The following STAT4 variants were observed in gnomAD, a reference collection of about 807,000 sequenced individuals.
The protein encoded by STAT4 is signal transducer and activator of transcription 4.
A neutral mutation model predicts 110.5 loss-of-function variants in STAT4; 42 were observed. The observed-to-expected ratio is 0.38, with a 90% confidence interval of 0.30 to 0.49. STAT4 has a LOEUF of 0.49. STAT4 is among the 20% of genes least tolerant of loss of function. STAT4 has a pLI of 0.95. For synonymous variants in STAT4, 284 were observed against 302.2 expected (o/e 0.94, Z 0.63); for missense variants, 632 against 887.9 (o/e 0.71, Z 3.66).
At chr2:191,121,343 C>A (rs1467954289) in intron 3 of STAT4, among the ~76,000 whole-genome samples, 1 of 152,162 alleles carries the variant, frequency 6.6e-6, no homozygotes, top group Non-Finnish European at 1.5e-5. Context: ...ACTAGTTCAA[C>A]CATTGTGGAA....
rs1699506800 is a variant in STAT4, at chr2:191,148,282, T to C, written c.-1-78A>G. 5.3e-6 allele frequency: 8 copies of C among 1,511,722 alleles called. No individual in the cohort carries two copies. In the East Asian group the frequency reaches 1.8e-4, roughly 35 times the overall value. 93.6% of individuals were successfully genotyped at this position (1,511,722 alleles called of 1,614,324 possible). ...TACATATTTTCTTCTTTCCTTAGAA[T>C]TAGTCAATGTTATGACTGAATTCCA... is the stretch of plus-strand genomic sequence containing the variant. On this transcript the variant is annotated intron_variant, in intron 1 of 23. Coordinates refer to ENST00000392320, the MANE Select transcript of STAT4 (RefSeq NM_003151.4).
intron 3 of STAT4, among the ~76,000 whole-genome samples, chr2:191,139,745 A>G (rs1019286734): frequency 4.6e-5 from 7 of 152,210 alleles, no homozygotes; most frequent in Non-Finnish European, 8.8e-5. Flanking sequence ...TAGATTTAGA[A>G]AAAACAATCC....
At chr2:191,056,663 C>G (rs944321680) in intron 13 of STAT4, among the ~76,000 whole-genome samples, 2 of 151,892 alleles carry the variant, frequency 1.3e-5, no homozygotes, top group African/African-American at 4.8e-5. Context: ...GTGTAATGAT[C>G]AAATTTGGGT....
In STAT4 at chr2:191,030,920, T is replaced by C; in HGVS notation, c.2220+52A>G. On this transcript the variant is annotated intron_variant, in intron 23 of 23. Coordinates refer to ENST00000392320, the MANE Select transcript of STAT4 (RefSeq NM_003151.4). The surrounding 1 kb of genome is among the most constrained non-coding windows in gnomAD (Gnocchi z 4.4). ...AGCCCCTTTGATTCACACACCACCTTTGCATCGTTGGAAACACCTTTGACC... is the reference window on the plus strand; with the variant it reads ...AGCCCCTTTGATTCACACACCACCTCTGCATCGTTGGAAACACCTTTGACC... 6.5e-7 allele frequency: 1 copy of C among 1,542,996 alleles called. No homozygotes were observed. The highest frequency in any genetic ancestry group is 1.1e-5 in the South Asian group (1 of 89,324).
intron 3 of STAT4, among the ~76,000 whole-genome samples, chr2:191,122,265 A>T (rs567530825): frequency 2.0e-5 from 3 of 152,124 alleles, no homozygotes; most frequent in Admixed American, 2.0e-4. Flanking sequence ...ATTAATCATC[A>T]GGATAATGGA....
Position 191,062,751 on chromosome 2 carries a change from A to G in STAT4, c.941+11T>C, listed in dbSNP as rs769630153. On this transcript the variant is annotated intron_variant, in intron 9 of 23. Coordinates refer to ENST00000392320, the MANE Select transcript of STAT4 (RefSeq NM_003151.4). This position sits in a 1 kb window ranked among gnomAD's most constrained non-coding sequence, Gnocchi z 4.9. Reference sequence around the variant, plus strand: ...CAGAATGGAGGATGCCATTGATAGCACTTCACTTACTTCTTGAAAAGGTTG... The same window carrying G: ...CAGAATGGAGGATGCCATTGATAGCGCTTCACTTACTTCTTGAAAAGGTTG... 6.8e-6 allele frequency: 11 copies of G among 1,613,182 alleles called. No individual in the cohort carries two copies. Among genetic ancestry groups the G allele is most frequent in the East Asian group, 2.2e-5 (1 of 44,758 alleles).
In STAT4 at chr2:191,042,695, G is replaced by T. The variant is rs1240987315; in HGVS notation, c.1252-1547C>A. Among the ~76,000 whole-genome samples, 1 of 151,932 alleles carries T rather than the reference G, an allele frequency of 6.6e-6. No homozygotes were observed. The highest frequency in any genetic ancestry group is 2.4e-5 in the African/African-American group (1 of 41,386). ...CTCCAGGAAAAATGTATGTATAGGT[G>T]AAAAATAGGTTAAATAAGATAGGCA... is the stretch of plus-strand genomic sequence containing the variant. On this transcript the variant is annotated intron_variant, in intron 14 of 23. Transcript: ENST00000392320. This position sits in a 1 kb window ranked among gnomAD's most constrained non-coding sequence, Gnocchi z 4.2.
rs1695895852 is a variant in STAT4, at chr2:191,031,582, A to G, written c.2045-66T>C. On this transcript the variant is annotated intron_variant, in intron 21 of 23. Coordinates refer to ENST00000392320, the MANE Select transcript of STAT4 (RefSeq NM_003151.4). The surrounding 1 kb of genome is among the most constrained non-coding windows in gnomAD (Gnocchi z 4.8). The stretch of plus-strand genomic sequence containing the variant: ...AATATTATCAATAAAACTGGGGAAA[A>G]AAGAGTCTAGAAAAATATTAACAAT... 1.5e-6 allele frequency: 2 copies of G among 1,328,362 alleles called. No homozygotes were observed. Among genetic ancestry groups the G allele is most frequent in the Admixed American group, 3.8e-5 (2 of 52,456 alleles). 82.3% of individuals were successfully genotyped at this position (1,328,362 alleles called of 1,614,324 possible).
chr2:191,067,488 C>G (rs969037649), intron 6 of STAT4, among the ~76,000 whole-genome samples: 1 of 152,166 alleles, frequency 6.6e-6, no homozygotes, highest in African/African-American at 2.4e-5. Flanking sequence ...GCCCAAACTT[C>G]GTCCCAAACC....
In STAT4 at chr2:191,039,208, G is replaced by C; in HGVS notation, c.1425C>G (p.Asn475Lys). ...TAGAAATAGAGTCTACCTGGGAATC[G>C]TTGGTTGACACGTTGTACCAAATGA... ...ASIIWYNVST[N>K]DSQNLVFFNN... The change falls in exon 16 of 24, where the codon AAC becomes AAG. Residue 475 changes from asparagine (N) to lysine (K), a missense_variant. This residue lies in a region of STAT4 where 488 missense variants were observed against 632.8 expected (regional missense o/e 0.77). Coordinates refer to ENST00000392320, the MANE Select transcript of STAT4 (RefSeq NM_003151.4). The surrounding 1 kb of genome is among the most constrained non-coding windows in gnomAD (Gnocchi z 4.7). The C allele has an allele frequency of 6.2e-7, 1 of 1,614,062 alleles. No individual in the cohort carries two copies. Among genetic ancestry groups the C allele is most frequent in the Non-Finnish European group, 8.5e-7 (1 of 1,179,900 alleles).
Position 191,091,096 on chromosome 2 carries a change from T to A in STAT4, c.274-14771A>T, listed in dbSNP as rs944164457. 6.6e-6 allele frequency among the ~76,000 whole-genome samples: 1 copy of A among 152,142 alleles called. No individual in the cohort carries two copies. The highest frequency in any genetic ancestry group is 6.5e-5 in the Admixed American group (1 of 15,276). On this transcript the variant is annotated intron_variant, in intron 3 of 23. Coordinates refer to ENST00000392320, the MANE Select transcript of STAT4 (RefSeq NM_003151.4). The surrounding 1 kb of genome is among the most constrained non-coding windows in gnomAD (Gnocchi z 5.4). ...GATAAGAACAGATATCTCGTCATCA[T>A]TAGAAAGTGTTTAGACAAGATTATA...
chr2:191,078,033 T>C (rs1187400278), intron 3 of STAT4, among the ~76,000 whole-genome samples: 1 of 152,076 alleles, frequency 6.6e-6, no homozygotes, highest in Non-Finnish European at 1.5e-5. Context: ...ATGTAACCTA[T>C]ATTCAACTCT....
At chr2:191,120,754 C>T (rs1219491576) in intron 3 of STAT4, among the ~76,000 whole-genome samples, 1 of 152,162 alleles carries the variant, frequency 6.6e-6, no homozygotes, top group African/African-American at 2.4e-5. Context: ...CCCTTCCTTA[C>T]ACCTTATATA....
At position 191,090,582 on chromosome 2, in the gene STAT4, CAG is replaced by C. The variant is rs1196959580; in HGVS notation, c.274-14259_274-14258del. Among the ~76,000 whole-genome samples the C allele has an allele frequency of 6.6e-5, 10 of 152,046 alleles. No homozygotes were observed. Among genetic ancestry groups the C allele is most frequent in the Non-Finnish European group, 1.5e-4 (10 of 68,012 alleles). On this transcript the variant is annotated intron_variant, in intron 3 of 23. Transcript: ENST00000392320. The surrounding 1 kb of genome is among the most constrained non-coding windows in gnomAD (Gnocchi z 4.2). ...TACTACTTGGTTTGTTTGTTTGAGA[CAG>C]AGTCTTGCTTCTGTTGCCCAGACTG...
chr2:191,086,049 T>C lies in STAT4; in HGVS notation c.274-9724A>G, dbSNP rs1439591416. Among the ~76,000 whole-genome samples the C allele has an allele frequency of 2.6e-5, 4 of 152,200 alleles. No homozygotes were observed. The highest frequency in any genetic ancestry group is 5.9e-5 in the Non-Finnish European group (4 of 68,032). On this transcript the variant is annotated intron_variant, in intron 3 of 23. Coordinates refer to ENST00000392320, the MANE Select transcript of STAT4 (RefSeq NM_003151.4). This position sits in a 1 kb window ranked among gnomAD's most constrained non-coding sequence, Gnocchi z 5.5. ...TGTGAGTATTCTTAATTTATGGCAA[T>C]AGTTATTTTCATAAGTTCAATAATA...
At chr2:191,065,535 A>G (rs1239883954) in intron 7 of STAT4, among the ~76,000 whole-genome samples, 4 of 152,218 alleles carry the variant, frequency 2.6e-5, no homozygotes, top group Non-Finnish European at 5.9e-5. Context: ...TTATACAACC[A>G]GTTGAATGAA....
In STAT4 at chr2:191,051,176, G is replaced by A. The variant is rs752221874; in HGVS notation, c.1251+3314C>T. ...GGAGCTGGAAGAGGGAAGTGCCAGGGTCCCCTGAAAGGGACCACATCTCCA... is the reference window on the plus strand; with the variant it reads ...GGAGCTGGAAGAGGGAAGTGCCAGGATCCCCTGAAAGGGACCACATCTCCA... On this transcript the variant is annotated intron_variant, in intron 14 of 23. Transcript: ENST00000392320. This position sits in a 1 kb window ranked among gnomAD's most constrained non-coding sequence, Gnocchi z 5.6. Among the ~76,000 whole-genome samples, 3 of 152,164 alleles carry A rather than the reference G, an allele frequency of 2.0e-5. No homozygotes were observed. The highest frequency in any genetic ancestry group is 4.4e-5 in the Non-Finnish European group (3 of 68,016).
At position 191,062,995 on chromosome 2, in the gene STAT4, A is replaced by T; in HGVS notation, c.783-75T>A. 1 of 1,203,502 alleles carries T rather than the reference A, an allele frequency of 8.3e-7. No individual in the cohort carries two copies. Among genetic ancestry groups the T allele is most frequent in the Non-Finnish European group, 1.1e-6 (1 of 882,726 alleles). 74.6% of individuals were successfully genotyped at this position (1,203,502 alleles called of 1,614,324 possible). On this transcript the variant is annotated intron_variant, in intron 8 of 23. Coordinates refer to ENST00000392320, the MANE Select transcript of STAT4 (RefSeq NM_003151.4). This position sits in a 1 kb window ranked among gnomAD's most constrained non-coding sequence, Gnocchi z 4.9. ...AAAAAGCATTGTAACAATGGGTCAT[A>T]GTTAATAAACATTAAATTATTAAGT...
Position 191,144,126 on chromosome 2 carries a change from A to G in STAT4, c.273+2487T>C, listed in dbSNP as rs1221576567. Among the ~76,000 whole-genome samples the G allele has an allele frequency of 6.6e-6, 1 of 152,086 alleles. No homozygotes were observed. Among genetic ancestry groups the G allele is most frequent in the African/African-American group, 2.4e-5 (1 of 41,372 alleles). On this transcript the variant is annotated intron_variant, in intron 3 of 23. Transcript: ENST00000392320. The surrounding 1 kb of genome is among the most constrained non-coding windows in gnomAD (Gnocchi z 4.7). ...AGTGTGCACTAGAACCATATTGAGT[A>G]CTGAGGGTGAGGGAGGGGGGTCAGA...
Sources: allele counts gnomAD v4.1 joint callset (sites outside exome capture counted in the v4.1 genomes callset), GRCh38; gene constraint gnomAD v4.1.1; regional missense constraint gnomAD v4.1.1; non-coding constraint Gnocchi (gnomAD v3.1); transcripts MANE v1.5; gene names NCBI Gene and HGNC (gene_info 2026-07-23, HGNC 2026-07-21).